The following HEATR4 variants were observed in gnomAD, a reference collection of about 807,000 sequenced individuals.
The protein encoded by HEATR4 is HEAT repeat containing 4.
Under a neutral mutation model 108.8 loss-of-function variants are expected in HEATR4, and 95 were observed. That is an observed-to-expected ratio of 0.87 (90% CI 0.74 to 1.04). HEATR4 has a LOEUF of 1.04. Among genes scored for constraint, HEATR4 ranks in the 50% least tolerant of loss-of-function variants. HEATR4 has a pLI of 0.00. For missense variants in HEATR4, 1,152 were observed against 1,253.8 expected, an observed-to-expected ratio of 0.92 and a Z score of 1.23; for synonymous variants, 443 against 459.4, an observed-to-expected ratio of 0.96 and a Z score of 0.46.
chr14:73,550,375 G>A (rs1253845721), intron 1 of HEATR4, among the ~76,000 whole-genome samples: 1 of 108,758 alleles, frequency 9.2e-6, no homozygotes, highest in Non-Finnish European at 2.0e-5. Flanking sequence ...TAGACAGCAT[G>A]AGCATTTTGA....
intron 1 of HEATR4, among the ~76,000 whole-genome samples, chr14:73,551,772 A>G (rs111642417): frequency 0.048 from 5,115 of 106,740 alleles, 993 homozygotes; most frequent in East Asian, 0.15. Flanking sequence ...CCACGCCATT[A>G]CACTCCAGCC....
the HEATR4 span, among the ~76,000 whole-genome samples, chr14:73,615,125 C>T: frequency 2.6e-3 from 391 of 150,420 alleles, 3 homozygotes; most frequent in African/African-American, 8.4e-3. Flanking sequence ...CGGTGGCTCA[C>T]GCCTCTAATC....
chr14:73,570,383 C>G, the HEATR4 span, among the ~76,000 whole-genome samples: 1,559 of 151,918 alleles, frequency 0.01, 29 homozygotes, highest in African/African-American at 0.036. Context: ...TCCTGACTAA[C>G]ACGGTGAAAC....
chr14:73,491,227 G>C (rs377026015), intron 17 of HEATR4: 54 of 1,591,038 alleles, frequency 3.4e-5, no homozygotes, highest in Non-Finnish European at 4.5e-5. Context: ...GGGTGGAGTC[G>C]ACGGCCGACG....
intron 17 of HEATR4, chr14:73,491,881 C>T: frequency 1.9e-6 from 3 of 1,611,730 alleles, no homozygotes; most frequent in Non-Finnish European, 2.5e-6. Context: ...CCGCGTGGTC[C>T]CTGTACCAGG....
the HEATR4 span, among the ~76,000 whole-genome samples, chr14:73,576,787 C>G: frequency 1.5e-4 from 3 of 19,384 alleles, no homozygotes; most frequent in Non-Finnish European, 2.6e-4. Flanking sequence ...CAGCAAGACA[C>G]AGTCTCAAAA....
chr14:73,493,095 C>G lies in HEATR4; in HGVS notation c.2815G>C (p.Glu939Gln). 3 of 1,612,260 alleles carry G rather than the reference C, an allele frequency of 1.9e-6. No homozygotes were observed. The highest frequency in any genetic ancestry group is 2.5e-6 in the Non-Finnish European group (3 of 1,179,796). Residue 939 changes from glutamate to glutamine, a missense_variant, in exon 17 of 18, where the codon GAG (glutamate) becomes CAG (glutamine). Physicochemically the swap from Glu to Gln is conservative, Grantham distance 29. Coordinates refer to ENST00000553558, the MANE Select transcript of HEATR4 (RefSeq NM_001220484.1). ...DEMVLPRRPS[E>Q]VCDTEAVIKP... ...ATCACTGCTTCAGTGTCACAAACCTCGGAAGGTCTTCTAGGAAGAACCATC... is the reference window on the plus strand; with the variant it reads ...ATCACTGCTTCAGTGTCACAAACCTGGGAAGGTCTTCTAGGAAGAACCATC...
Position 73,499,338 on chromosome 14 carries a change from G to A in HEATR4, c.2287-198C>T, listed in dbSNP as rs148739347. Among the ~76,000 whole-genome samples the A allele has an allele frequency of 3.1e-3, 474 of 152,178 alleles. 2 individuals are homozygous for A. Among genetic ancestry groups the A allele is most frequent in the Middle Eastern group, 0.024 (7 of 294 alleles). ...TCTACTAAAAATACAAAAATTAGCCGGGCATGGTGTCACACGCCTGTAATC... is the reference window on the plus strand; with the variant it reads ...TCTACTAAAAATACAAAAATTAGCCAGGCATGGTGTCACACGCCTGTAATC... On this transcript the variant is annotated intron_variant, in intron 12 of 17. Transcript: ENST00000553558.
chr14:73,513,091 T>C (rs906223198), intron 6 of HEATR4, among the ~76,000 whole-genome samples: 13 of 152,222 alleles, frequency 8.5e-5, no homozygotes, highest in African/African-American at 2.9e-4. Flanking sequence ...AACTATGACA[T>C]GGACAATGGT....
At chr14:73,493,028 G>A (rs1266842689) in intron 17 of HEATR4, 38 bp downstream of exon 17, 8 of 1,534,180 alleles carry the variant, frequency 5.2e-6, no homozygotes, top group Admixed American at 2.1e-5. Context: ...TTAAACTCAC[G>A]TTCTTACCTT....
rs11410201 is a variant in HEATR4, at chr14:73,492,999, C to CTTTT, written c.2844+63_2844+66dup. On this transcript the variant is annotated intron_variant, in intron 17 of 17. Coordinates refer to ENST00000553558, the MANE Select transcript of HEATR4 (RefSeq NM_001220484.1). The surrounding 1 kb of genome is among the most constrained non-coding windows in gnomAD (Gnocchi z 4.9). ...AGTGATTCTCCGCTGCCACTGCTAC[C>CTTTT]TTTTTTTTTTTTTTTTCCTTAAACT... 1,493 of 1,457,250 alleles carry CTTTT rather than the reference C, an allele frequency of 1.0e-3. 2 individuals are homozygous for CTTTT. The highest frequency in any genetic ancestry group is 1.4e-3 in the Middle Eastern group (7 of 5,120). The allele number at this position is 1,457,250 out of a possible 1,614,324, so 90.3% of individuals were successfully genotyped here.
chr14:73,545,529 G>C (rs1039358793), intron 1 of HEATR4, among the ~76,000 whole-genome samples: 2 of 72,672 alleles, frequency 2.8e-5, no homozygotes, highest in African/African-American at 8.6e-5. Context: ...CCAGTGCTGG[G>C]CATGGAGCCC....
At chr14:73,574,038 T>A in the HEATR4 span, among the ~76,000 whole-genome samples, 1 of 6,826 alleles carries the variant, frequency 1.5e-4, no homozygotes, top group Non-Finnish European at 2.0e-4. Context: ...ATATTTGTAT[T>A]TTTTTTTTTT....
the HEATR4 span, among the ~76,000 whole-genome samples, chr14:73,625,215 G>A: frequency 6.6e-6 from 1 of 150,922 alleles, no homozygotes; most frequent in Non-Finnish European, 1.5e-5. Context: ...GTGCACCACC[G>A]CACCCAGCTA....
the HEATR4 span, chr14:73,591,916 G>C: frequency 7.4e-7 from 1 of 1,344,252 alleles, no homozygotes; most frequent in Non-Finnish European, 9.6e-7. Context: ...GATCTTGGAC[G>C]GGTCTCGGGC....
chr14:73,585,814 CTTTTTCT>C, the HEATR4 span, among the ~76,000 whole-genome samples: 1 of 137,294 alleles, frequency 7.3e-6, no homozygotes, highest in Non-Finnish European at 1.5e-5. Flanking sequence ...ACTGTTTTGT[CTTTTTCT>C]TTTTTTTTTT....
chr14:73,570,134 C>G, the HEATR4 span, among the ~76,000 whole-genome samples: 239 of 151,444 alleles, frequency 1.6e-3, 6 homozygotes, highest in Non-Finnish European at 1.7e-3. Flanking sequence ...CCGTCCCTGC[C>G]CTTTTCACAC....
the HEATR4 span, among the ~76,000 whole-genome samples, chr14:73,576,469 A>G: frequency 3.3e-5 from 5 of 151,996 alleles, no homozygotes; most frequent in Admixed American, 6.6e-5. Context: ...ATTGAGATGA[A>G]TTACATAAGT....
rs1468817000 is a variant in HEATR4, at chr14:73,523,051, C to G, written c.102G>C (p.Leu34Phe). 51 of 1,613,968 alleles carry G rather than the reference C, an allele frequency of 3.2e-5. No homozygotes were observed. The highest frequency in any genetic ancestry group is 4.1e-5 in the Non-Finnish European group (48 of 1,180,038). Reference protein sequence around the residue: ...GWGMILNYSKLKGKEECASVS... With the variant: ...GWGMILNYSKFKGKEECASVS... ...CAGAGGCACACTCCTCCTTGCCTTT[C>G]AATTTTGAGTAGTTTAAAATCATGC... The change falls in exon 3 of 18, where the codon TTG (leucine) becomes TTC (phenylalanine). Residue 34 changes from leucine (L) to phenylalanine (F), a missense_variant. Transcript: ENST00000553558.
Sources: allele counts gnomAD v4.1 joint callset (sites outside exome capture counted in the v4.1 genomes callset), GRCh38; gene constraint gnomAD v4.1.1; non-coding constraint Gnocchi (gnomAD v3.1); transcripts MANE v1.5; gene names NCBI Gene and HGNC (gene_info 2026-07-23, HGNC 2026-07-21).